The following BSDC1 variants were observed in gnomAD, a reference collection of about 807,000 sequenced individuals.
The protein encoded by BSDC1 is BSD domain containing 1.
BSDC1 carries 29 observed loss-of-function variants against 56.0 expected under a neutral mutation model. The observed-to-expected ratio is 0.52, with a 90% CI of 0.39 to 0.71. The LOEUF (loss-of-function observed/expected upper bound fraction) is 0.71, where lower values mean the gene tolerates loss of function less well. BSDC1 is among the 30% of genes least tolerant of loss of function. The pLI is 0.00. For synonymous variants in BSDC1, 210 were observed against 215.3 expected (o/e 0.98, Z 0.21); for missense variants, 477 against 548.5 (o/e 0.87, Z 1.30).
At chr1:32,379,062 T>C (rs574135812) in intron 5 of BSDC1, among the ~76,000 whole-genome samples, 9 of 152,148 alleles carry the variant, frequency 5.9e-5, no homozygotes, top group Non-Finnish European at 1.2e-4. Context: ...CCTGCTGGCT[T>C]TTTAGCCCAT....
chr1:32,372,200 C>T (rs1002908336), intron 9 of BSDC1, among the ~76,000 whole-genome samples: 2 of 152,232 alleles, frequency 1.3e-5, no homozygotes, highest in Admixed American at 6.5e-5. Context: ...ATTCTGTACA[C>T]GGTACCTCAG....
intron 8 of BSDC1, among the ~76,000 whole-genome samples, chr1:32,377,425 T>C (rs988123168): frequency 3.3e-5 from 5 of 152,108 alleles, no homozygotes; most frequent in African/African-American, 1.2e-4. Context: ...AGAGGGGTAA[T>C]GGGGTTGTGG....
intron 8 of BSDC1, among the ~76,000 whole-genome samples, chr1:32,377,128 T>A (rs1351144159): frequency 1.3e-5 from 2 of 151,738 alleles, no homozygotes; most frequent in Non-Finnish European, 1.5e-5. Context: ...AGAGTGAGAC[T>A]CTGCCTCAAA....
chr1:32,387,647 A>AT (rs755938020), intron 2 of BSDC1, among the ~76,000 whole-genome samples: 14 of 152,170 alleles, frequency 9.2e-5, no homozygotes, highest in African/African-American at 1.7e-4. Flanking sequence ...AAGGCATGTG[A>AT]TTTTTTTTAT....
intron 2 of BSDC1, 131 bp downstream of exon 2, chr1:32,393,949 A>G: frequency 1.2e-6 from 1 of 829,534 alleles, no homozygotes; most frequent in Non-Finnish European, 1.9e-6. Flanking sequence ...GTAGAGGCTA[A>G]AAGAAAGGCC....
chr1:32,369,756 T>C (rs545255940), intron 9 of BSDC1, among the ~76,000 whole-genome samples: 1 of 152,218 alleles, frequency 6.6e-6, no homozygotes, highest in African/African-American at 2.4e-5. Context: ...ACCATCCTAG[T>C]TTAAAGAGCA....
At position 32,378,451 on chromosome 1, in the gene BSDC1, C is replaced by G. The variant is rs776317589; in HGVS notation, c.529-168G>C. Among the ~76,000 whole-genome samples the G allele has an allele frequency of 1.3e-5, 2 of 152,224 alleles. No individual in the cohort carries two copies. The highest frequency in any genetic ancestry group is 2.9e-5 in the Non-Finnish European group (2 of 68,046). ...CCCACCAAAGTTTCAGCCAGACCCACCTTCCTAGTCCGGGTTGGCCAAGGA... is the reference window on the plus strand; with the variant it reads ...CCCACCAAAGTTTCAGCCAGACCCAGCTTCCTAGTCCGGGTTGGCCAAGGA... On this transcript the variant is annotated intron_variant, in intron 6 of 10. Transcript: ENST00000455895. This position sits in a 1 kb window ranked among gnomAD's most constrained non-coding sequence, Gnocchi z 5.2.
chr1:32,376,429 G>T lies in BSDC1; in HGVS notation c.989C>A (p.Pro330His), dbSNP rs1347180522. 1 of 1,613,498 alleles carries T rather than the reference G, an allele frequency of 6.2e-7. No individual in the cohort carries two copies. Among genetic ancestry groups the T allele is most frequent in the Non-Finnish European group, 8.5e-7 (1 of 1,179,588 alleles). The change falls in exon 9 of 11, where the codon CCC becomes CAC. Residue 330 changes from proline (P) to histidine (H), a missense_variant. Transcript: ENST00000455895. ...CGTTAGGGGCTTGGAGTGAATAGGGGGTGAGGGTCCAGTCTCACCCACATC... is the reference window on the plus strand; with the variant it reads ...CGTTAGGGGCTTGGAGTGAATAGGGTGTGAGGGTCCAGTCTCACCCACATC... ...AVDVGETGPS[P>H]PIHSKPLTPA...
intron 8 of BSDC1, 62 bp downstream of exon 8, chr1:32,377,908 G>T: frequency 6.6e-7 from 1 of 1,511,318 alleles, no homozygotes; most frequent in Non-Finnish European, 9.0e-7. Context: ...AGAGAGCATG[G>T]CCCAGCCCAG....
intron 10 of BSDC1, chr1:32,367,874 G>A: frequency 2.0e-6 from 2 of 1,006,980 alleles, no homozygotes; most frequent in Non-Finnish European, 2.4e-6. Flanking sequence ...TCAATTCCAT[G>A]TTTTAGATGA....
Position 32,376,063 on chromosome 1 carries a change from A to G in BSDC1, c.1156+199T>C, listed in dbSNP as rs546817521. Among the ~76,000 whole-genome samples, 229 of 152,352 alleles carry G rather than the reference A, an allele frequency of 1.5e-3. 2 individuals are homozygous for G. Among genetic ancestry groups the G allele is most frequent in the African/African-American group, 4.9e-3 (205 of 41,570 alleles). ...ACTCTTAAGATGCCAACAATTGAAG[A>G]TGCATTCTTATTTCAGAGATGTTGT... On this transcript the variant is annotated intron_variant, in intron 9 of 10. Coordinates refer to ENST00000455895, the MANE Select transcript of BSDC1 (RefSeq NM_018045.8).
chr1:32,376,367 G>A lies in BSDC1; in HGVS notation c.1051C>T (p.Pro351Ser). ...TCCCTCAGAGTCTCTACTCTGGCTG[G>A]AGGCCTGGGCTCTGGGCCGCCGGTG... The part of the protein sequence containing the change: ...GHTGGPEPRP[P>S]ARVETLREEA... The change falls in exon 9 of 11, where the codon CCA becomes TCA. Residue 351 changes from proline (P) to serine (S), a missense_variant. Coordinates refer to ENST00000455895, the MANE Select transcript of BSDC1 (RefSeq NM_018045.8). 6.2e-7 allele frequency: 1 copy of A among 1,613,512 alleles called. No homozygotes were observed. Among genetic ancestry groups the A allele is most frequent in the African/African-American group, 1.3e-5 (1 of 75,052 alleles).
rs1201325124 is a variant in BSDC1 at position 32,368,467 on chromosome 1, T to C, written c.1240A>G (p.Lys414Glu). The C allele has an allele frequency of 2.5e-6, 4 of 1,613,980 alleles. No individual in the cohort carries two copies. Among genetic ancestry groups the C allele is most frequent in the Non-Finnish European group, 8.5e-7 (1 of 1,180,006 alleles). ...CTCACCTCCCCGGAGGCATCCACTT[T>C]GGAAAGTGCCATCTGCACCTCCTCT... ...TEEEVQMALS[K>E]VDASGELEDV... The change falls in exon 10 of 11, where the codon AAA becomes GAA. Residue 414 changes from lysine (K) to glutamate (E), a missense_variant. Transcript: ENST00000455895.
At chr1:32,388,640 C>G (rs1642753565) in intron 2 of BSDC1, among the ~76,000 whole-genome samples, 1 of 152,184 alleles carries the variant, frequency 6.6e-6, no homozygotes, top group South Asian at 2.1e-4. Flanking sequence ...CTTACAAAGC[C>G]TATATAACTT....
intron 9 of BSDC1, among the ~76,000 whole-genome samples, chr1:32,374,277 T>C (rs1473173224): frequency 1.3e-5 from 2 of 152,238 alleles, no homozygotes; most frequent in African/African-American, 4.8e-5. Context: ...AGCAGGGCTC[T>C]ACTTAATTCT....
intron 3 of BSDC1, 147 bp from the exon 4 acceptor site, chr1:32,384,144 G>A (rs1278487986): frequency 9.1e-7 from 1 of 1,102,104 alleles, no homozygotes; most frequent in East Asian, 2.5e-5. Context: ...TGGGGCTGCA[G>A]GAGAGGGAGG....
rs921760600 is a variant in BSDC1, at chr1:32,366,609, C to T, written c.*13G>A. 6.0e-6 allele frequency: 9 copies of T among 1,501,978 alleles called. No individual in the cohort carries two copies. The highest frequency in any genetic ancestry group is 8.0e-6 in the Non-Finnish European group (9 of 1,119,434). The allele number at this position is 1,501,978 out of a possible 1,614,324, so 93.0% of individuals were successfully genotyped here. ...AGATGCCATGGGTGGGGGAGCTGCT[C>T]CCTCTGGCTCCCTCACTCCCAGTCC... is the stretch of plus-strand genomic sequence containing the variant. On this transcript the variant is annotated 3_prime_UTR_variant, in exon 11 of 11. Transcript: ENST00000455895.
rs78386992 is a variant in BSDC1, at chr1:32,369,233, G to A, written c.1157-683C>T. On this transcript the variant is annotated intron_variant, in intron 9 of 10. Coordinates refer to ENST00000455895, the MANE Select transcript of BSDC1 (RefSeq NM_018045.8). Reference sequence around the variant, plus strand: ...CCAAACAGCCTTAAACTATTACCTCGGAAAAGGCAGGTTACTAAAGAGCGG... The same window carrying A: ...CCAAACAGCCTTAAACTATTACCTCAGAAAAGGCAGGTTACTAAAGAGCGG... The A allele has an allele frequency of 4.8e-4, 613 of 1,287,632 alleles. 2 individuals carry two copies. The African/African-American group carries it at 8.6e-3, about 18-fold the overall frequency. The allele number at this position is 1,287,632 out of a possible 1,614,324, so 79.8% of individuals were successfully genotyped here. A position where few individuals can be genotyped will look rare whatever the true frequency, so the allele number is the denominator to read the frequency against.
At chr1:32,386,702 A>G (rs1642683828) in intron 3 of BSDC1, 77 bp downstream of exon 3, 1 of 1,002,736 alleles carries the variant, frequency 1.0e-6, no homozygotes, top group Non-Finnish European at 1.5e-6. Flanking sequence ...TAATCACTTA[A>G]TGGTAGAAAG....
Sources: gnomAD v4.1 joint callset for allele counts (sites outside exome capture counted in the v4.1 genomes callset) on GRCh38, gnomAD v4.1.1 for gene constraint, Gnocchi (gnomAD v3.1) non-coding constraint, MANE v1.5 for transcripts, NCBI Gene and HGNC (gene_info 2026-07-23, HGNC 2026-07-21) for gene names.